HRK: variants seen among roughly 807,000 people sequenced by gnomAD.
The protein encoded by HRK is activator of apoptosis harakiri.
Under a neutral mutation model 5.9 loss-of-function variants are expected in HRK, and 6 were observed. That is an observed-to-expected ratio of 1.02 (90% CI 0.56 to 2.01). HRK has a LOEUF of 2.01. HRK is among the 30% of genes most tolerant of loss of function. The pLI, the probability that HRK is intolerant of heterozygous loss-of-function variation, is 0.00. For missense variants in HRK, 133 were observed against 128.3 expected (o/e 1.04, Z -0.18); for synonymous variants, 85 against 65.1 (o/e 1.31, Z -1.47).
rs1157631883 is a variant in HRK, at chr12:116,878,890, CCTG to C, written c.*56+2083_*56+2085del. ...GAAATAAACTCCACAGAGACAATAA[CCTG>C]CTGCTGCCCCCCAACACCGACTCAA... is the stretch of plus-strand genomic sequence containing the variant. On this transcript the variant is annotated intron_variant, in intron 1 of 1. Coordinates refer to ENST00000257572, the MANE Select transcript of HRK (RefSeq NM_003806.4). This position sits in a 1 kb window ranked among gnomAD's most constrained non-coding sequence, Gnocchi z 4.4. 6.6e-6 allele frequency among the ~76,000 whole-genome samples: 1 copy of C among 152,170 alleles called. No homozygotes were observed. Among genetic ancestry groups the C allele is most frequent in the Non-Finnish European group, 1.5e-5 (1 of 68,012 alleles).
At chr12:116,871,139 T>C (rs1878734500) in intron 1 of HRK, among the ~76,000 whole-genome samples, 1 of 151,890 alleles carries the variant, frequency 6.6e-6, no homozygotes, top group South Asian at 2.1e-4. Context: ...TTTGTTTTAG[T>C]AGAAGCGAGG....
chr12:116,877,912 T>TA, intron 1 of HRK, among the ~76,000 whole-genome samples: 1 of 152,320 alleles, frequency 6.6e-6, no homozygotes, highest in South Asian at 2.1e-4. Context: ...ATATATGTTT[T>TA]AAATTATTAT....
chr12:116,867,913 A>G (rs1024544802), intron 1 of HRK: 9 of 152,132 alleles, frequency 5.9e-5, no homozygotes, highest in Non-Finnish European at 1.3e-4. Context: ...GGGCTCCCTG[A>G]AATCAGGGGT....
rs1593000364 is a variant in HRK, at chr12:116,856,292, T to A, written c.*5231A>T. 1 of 152,122 alleles carries A rather than the reference T, an allele frequency of 6.6e-6. No homozygotes were observed. Among genetic ancestry groups the A allele is most frequent in the Non-Finnish European group, 1.5e-5 (1 of 68,026 alleles). 9.4% of individuals were successfully genotyped at this position (152,122 alleles called of 1,614,324 possible). A position where few individuals can be genotyped will look rare whatever the true frequency, so the allele number is the denominator to read the frequency against. On this transcript the variant is annotated 3_prime_UTR_variant, in exon 2 of 2. Transcript: ENST00000257572. The surrounding 1 kb of genome is among the most constrained non-coding windows in gnomAD (Gnocchi z 4.4). ...ACGGAACGTCCCCAAGCTTATTGCC[T>A]CTCTGGCTAGGCCAGAGGCCTCACT...
chr12:116,870,763 G>A (rs1878716081), intron 1 of HRK, among the ~76,000 whole-genome samples: 1 of 152,160 alleles, frequency 6.6e-6, no homozygotes, highest in Non-Finnish European at 1.5e-5. Context: ...TTGTGCCATT[G>A]CACCGCAGCC....
At chr12:116,877,293 T>G (rs922584272) in intron 1 of HRK, among the ~76,000 whole-genome samples, 4 of 151,598 alleles carry the variant, frequency 2.6e-5, no homozygotes, top group Non-Finnish European at 5.9e-5. Context: ...TGGGCTCAAG[T>G]GATCCGCCCA....
In HRK at chr12:116,862,824, T is replaced by C. The variant is rs1057202864; in HGVS notation, c.*57-1358A>G. 1.3e-5 allele frequency among the ~76,000 whole-genome samples: 2 copies of C among 152,144 alleles called. No homozygotes were observed. The highest frequency in any genetic ancestry group is 2.9e-5 in the Non-Finnish European group (2 of 68,004). On this transcript the variant is annotated intron_variant, in intron 1 of 1. Transcript: ENST00000257572. This position sits in a 1 kb window ranked among gnomAD's most constrained non-coding sequence, Gnocchi z 4.0. ...TCAGCTCACTGCAACCTCTGCCTCC[T>C]GGGTTCAAGCAACCTCTGCCTCCTG...
intron 1 of HRK, among the ~76,000 whole-genome samples, chr12:116,866,147 GA>G (rs1386481227): frequency 2.2e-5 from 2 of 90,890 alleles, no homozygotes; most frequent in African/African-American, 9.5e-5. Flanking sequence ...GAGAGAGCAA[GA>G]TTCCATCTCA....
chr12:116,859,648 T>TTC lies in HRK; in HGVS notation c.*1874_*1875insGA, dbSNP rs1878286571. 1 of 151,580 alleles carries TTC rather than the reference T, an allele frequency of 6.6e-6. No homozygotes were observed. The highest frequency in any genetic ancestry group is 6.6e-5 in the Admixed American group (1 of 15,194). The allele number at this position is 151,580 out of a possible 1,614,324, so 9.4% of individuals were successfully genotyped here. On this transcript the variant is annotated 3_prime_UTR_variant, in exon 2 of 2. Coordinates refer to ENST00000257572, the MANE Select transcript of HRK (RefSeq NM_003806.4). ...ATAAGCATTATTCTTCTTTTTTTTT[T>TTC]TTTGGTTTGCTGAGTTCAAAGCTGC... is the stretch of plus-strand genomic sequence containing the variant.
rs138713623 is a variant in HRK at position 116,866,082 on chromosome 12, C to T, written c.*57-4616G>A. The stretch of plus-strand genomic sequence containing the variant: ...CTGAGACAGGAGAATCACTTAAACC[C>T]GGGAGGCAGAGGTTGCAGTGAACTG... On this transcript the variant is annotated intron_variant, in intron 1 of 1. Coordinates refer to ENST00000257572, the MANE Select transcript of HRK (RefSeq NM_003806.4). 2.7e-3 allele frequency among the ~76,000 whole-genome samples: 379 copies of T among 138,912 alleles called. 2 individuals carry two copies. The highest frequency in any genetic ancestry group is 9.4e-3 in the African/African-American group (346 of 36,894). 91.1% of individuals were successfully genotyped at this position (138,912 alleles called of 152,430 possible).
chr12:116,872,692 T>C (rs1878795751), intron 1 of HRK, among the ~76,000 whole-genome samples: 1 of 152,016 alleles, frequency 6.6e-6, no homozygotes, highest in Admixed American at 6.6e-5. Context: ...GGAGAGTCGC[T>C]TGAGCCCAGG....
Position 116,879,404 on chromosome 12 carries a change from C to A in HRK, c.*56+1572G>T. ...TTCCTCTTCGCCCACTTTTTTTCTG[C>A]CTCTTCCCAAATTCCACGCTTTGGG... On this transcript the variant is annotated intron_variant, in intron 1 of 1. Coordinates refer to ENST00000257572, the MANE Select transcript of HRK (RefSeq NM_003806.4). This position sits in a 1 kb window ranked among gnomAD's most constrained non-coding sequence, Gnocchi z 5.6. 1 of 152,320 alleles carries A rather than the reference C, an allele frequency of 6.6e-6. No homozygotes were observed. Among genetic ancestry groups the A allele is most frequent in the Non-Finnish European group, 1.5e-5 (1 of 68,074 alleles). 9.4% of individuals were successfully genotyped at this position (152,320 alleles called of 1,614,324 possible).
chr12:116,867,922 G>A (rs1285480793), intron 1 of HRK: 2 of 152,136 alleles, frequency 1.3e-5, no homozygotes, highest in Admixed American at 1.3e-4. Flanking sequence ...GAAATCAGGG[G>A]TCATGAACTG....
rs1005649039 is a variant in HRK, at chr12:116,856,406, T to C, written c.*5117A>G. ...TGCAAAGACCTTCAGGAGAAGAAAC[T>C]TGGGAGTTCAGGTTGGAGAAGAGGG... On this transcript the variant is annotated 3_prime_UTR_variant, in exon 2 of 2. Transcript: ENST00000257572. This position sits in a 1 kb window ranked among gnomAD's most constrained non-coding sequence, Gnocchi z 4.4. 1.3e-5 allele frequency: 2 copies of C among 152,110 alleles called. No homozygotes were observed. The highest frequency in any genetic ancestry group is 2.4e-5 in the African/African-American group (1 of 41,390). The allele number at this position is 152,110 out of a possible 1,614,324, so 9.4% of individuals were successfully genotyped here.
chr12:116,858,063 TAGAAG>T lies in HRK; in HGVS notation c.*3455_*3459del, dbSNP rs1430535280. The T allele has an allele frequency of 4.4e-5, 3 of 68,532 alleles. No individual in the cohort carries two copies. Among genetic ancestry groups the T allele is most frequent in the Non-Finnish European group, 8.4e-5 (3 of 35,542 alleles). The allele number at this position is 68,532 out of a possible 1,614,324, so 4.2% of individuals were successfully genotyped here. ...AGTGAGACTCTGTCTCAAAATAAAA[TAGAAG>T]AAGAAGAAGAAGTGGAAAAGAAGTC... On this transcript the variant is annotated 3_prime_UTR_variant, in exon 2 of 2. Transcript: ENST00000257572.
rs557666369 is a variant in HRK, at chr12:116,856,638, C to T, written c.*4885G>A. ...CTTTTTCCAGTAGACCTAAGTCAGG[C>T]CCCGGCTCCCAGTGGGGCCATGTGC... On this transcript the variant is annotated 3_prime_UTR_variant, in exon 2 of 2. Coordinates refer to ENST00000257572, the MANE Select transcript of HRK (RefSeq NM_003806.4). The surrounding 1 kb of genome is among the most constrained non-coding windows in gnomAD (Gnocchi z 4.4). The T allele has an allele frequency of 6.6e-6, 1 of 152,404 alleles. No homozygotes were observed. Among genetic ancestry groups the T allele is most frequent in the African/African-American group, 2.4e-5 (1 of 41,564 alleles). The allele number at this position is 152,404 out of a possible 1,614,324, so 9.4% of individuals were successfully genotyped here.
At chr12:116,863,917 G>T (rs972876458) in intron 1 of HRK, among the ~76,000 whole-genome samples, 8 of 151,888 alleles carry the variant, frequency 5.3e-5, no homozygotes, top group Admixed American at 1.3e-4. Flanking sequence ...GCCTAGGCTG[G>T]TCTCAAACTC....
chr12:116,875,113 A>G (rs1217649475), intron 1 of HRK, among the ~76,000 whole-genome samples: 2 of 152,254 alleles, frequency 1.3e-5, no homozygotes, highest in Non-Finnish European at 2.9e-5. Context: ...TTAGTTACAT[A>G]GCACTTACAT....
chr12:116,877,100 G>A (rs535668578), intron 1 of HRK, among the ~76,000 whole-genome samples: 1 of 152,308 alleles, frequency 6.6e-6, no homozygotes, highest in South Asian at 2.1e-4. Flanking sequence ...GCCTAGGCTG[G>A]AGTGCAATAG....
Sources: allele counts gnomAD v4.1 joint callset (sites outside exome capture counted in the v4.1 genomes callset), GRCh38; gene constraint gnomAD v4.1.1; non-coding constraint Gnocchi (gnomAD v3.1); transcripts MANE v1.5; gene names NCBI Gene and HGNC (gene_info 2026-07-23, HGNC 2026-07-21).